SORCS2: variants seen among roughly 807,000 people sequenced by gnomAD.
SORCS2 encodes the protein sortilin related VPS10 domain containing receptor 2, also known as VPS10 domain-containing receptor SorCS2.
Under a neutral mutation model 141.6 loss-of-function variants are expected in SORCS2, and 100 were observed. That is an observed-to-expected ratio of 0.71 (90% CI 0.60 to 0.83). The LOEUF is 0.83. Among genes scored for constraint, SORCS2 ranks in the 40% least tolerant of loss-of-function variants. SORCS2 has a pLI of 0.00. For missense variants in SORCS2, 1,646 were observed against 1,560.2 expected, an observed-to-expected ratio of 1.05 and a Z score of -0.93; for synonymous variants, 789 against 676.9, an observed-to-expected ratio of 1.17 and a Z score of -2.57.
At chr4:7,355,169 A>G (rs1305369463) in intron 1 of SORCS2, among the ~76,000 whole-genome samples, 1 of 151,816 alleles carries the variant, frequency 6.6e-6, no homozygotes, top group Non-Finnish European at 1.5e-5. Flanking sequence ...CTGAATCACC[A>G]CTCTGTCCTC....
rs192215156 is a variant in SORCS2, at chr4:7,417,161, A to G, written c.548+20806A>G. On this transcript the variant is annotated intron_variant, in intron 2 of 26. Coordinates refer to ENST00000507866, the MANE Select transcript of SORCS2 (RefSeq NM_020777.3). ...TGAGTGTGCACTGAAGGATGGAGCC[A>G]TAAACCTGTTTACAGGGCAAGCAGC... is the stretch of plus-strand genomic sequence containing the variant. 2.0e-5 allele frequency among the ~76,000 whole-genome samples: 3 copies of G among 152,314 alleles called. No individual in the cohort carries two copies. In the East Asian group the frequency reaches 5.8e-4, roughly 29 times the overall value.
chr4:7,463,926 CCT>C lies in SORCS2; in HGVS notation c.548+67572_548+67573del, dbSNP rs1400301252. The stretch of plus-strand genomic sequence containing the variant: ...AGGCTGGTGATTTCAAACAGGCACC[CCT>C]GAGTCCCCACACTGATGAGTCTGGG... On this transcript the variant is annotated intron_variant, in intron 2 of 26. Coordinates refer to ENST00000507866, the MANE Select transcript of SORCS2 (RefSeq NM_020777.3). Among the ~76,000 whole-genome samples the C allele has an allele frequency of 2.6e-5, 4 of 152,268 alleles. No individual in the cohort carries two copies. The South Asian group carries it at 6.2e-4, about 24-fold the overall frequency.
At chr4:7,273,666 G>A (rs1715285773) in intron 1 of SORCS2, among the ~76,000 whole-genome samples, 1 of 152,232 alleles carries the variant, frequency 6.6e-6, no homozygotes, top group Non-Finnish European at 1.5e-5. Context: ...TTTCTGGGAG[G>A]CATGCAGCTT....
intron 1 of SORCS2, among the ~76,000 whole-genome samples, chr4:7,370,820 C>G (rs187870406): frequency 6.6e-6 from 1 of 152,324 alleles, no homozygotes; most frequent in African/African-American, 2.4e-5. Flanking sequence ...ACACAGGGGC[C>G]TGTGGCTTCC....
chr4:7,543,794 A>G (rs1437567741), intron 3 of SORCS2, among the ~76,000 whole-genome samples: 2 of 48,572 alleles, frequency 4.1e-5, no homozygotes, highest in Non-Finnish European at 5.5e-5. Flanking sequence ...TCATCCATCC[A>G]TCCATCCATC....
intron 1 of SORCS2, among the ~76,000 whole-genome samples, chr4:7,274,372 T>C (rs1715349320): frequency 6.6e-6 from 1 of 152,124 alleles, no homozygotes; most frequent in Non-Finnish European, 1.5e-5. Flanking sequence ...GCTGGGTAAT[T>C]TGTAAAGAAA....
At chr4:7,430,646 C>G (rs987439800) in intron 2 of SORCS2, 1 of 152,250 alleles carries the variant, frequency 6.6e-6, no homozygotes, top group South Asian at 2.1e-4. Flanking sequence ...CTCCTCTGTG[C>G]GGCGCAGTCA....
chr4:7,304,924 C>T (rs1195865703), intron 1 of SORCS2, among the ~76,000 whole-genome samples: 1 of 152,228 alleles, frequency 6.6e-6, no homozygotes, highest in Non-Finnish European at 1.5e-5. Flanking sequence ...ACTGAGGCTT[C>T]ATGCTGGAGG....
rs572293051 is a variant in SORCS2 at position 7,270,469 on chromosome 4, G to T, written c.480+77343G>T. On this transcript the variant is annotated intron_variant, in intron 1 of 26. Transcript: ENST00000507866. ...ATGATTTGGATCTGGCCTGGGGTCTGGTTCCCTCCAGCGCTTCCTCTGAGG... is the reference window on the plus strand; with the variant it reads ...ATGATTTGGATCTGGCCTGGGGTCTTGTTCCCTCCAGCGCTTCCTCTGAGG... 1.0e-3 allele frequency among the ~76,000 whole-genome samples: 156 copies of T among 152,362 alleles called. 7 individuals carry two copies. The highest frequency in any genetic ancestry group is 4.6e-4 in the Admixed American group (7 of 15,312).
intron 3 of SORCS2, among the ~76,000 whole-genome samples, chr4:7,633,567 C>G (rs1720035202): frequency 7.3e-6 from 1 of 137,930 alleles, no homozygotes; most frequent in Non-Finnish European, 1.5e-5. Flanking sequence ...TGTGGTTTTG[C>G]AATGTGAAAG....
chr4:7,652,794 CT>C (rs1721525203), intron 4 of SORCS2, among the ~76,000 whole-genome samples: 1 of 152,136 alleles, frequency 6.6e-6, no homozygotes, highest in Non-Finnish European at 1.5e-5. Context: ...CACGGACCCC[CT>C]GAGCGCCTCA....
At chr4:7,439,184 G>GTATA (rs61638263) in intron 2 of SORCS2, among the ~76,000 whole-genome samples, 53 of 150,852 alleles carry the variant, frequency 3.5e-4, no homozygotes, top group Admixed American at 7.2e-4. Context: ...GAAGGAGTTT[G>GTATA]TATATATATA....
intron 3 of SORCS2, among the ~76,000 whole-genome samples, chr4:7,542,120 G>A (rs1712722792): frequency 6.6e-6 from 1 of 152,204 alleles, no homozygotes; most frequent in African/African-American, 2.4e-5. Flanking sequence ...AACCAAAGGG[G>A]CCCATTGGCA....
chr4:7,427,232 G>A (rs926846054), intron 2 of SORCS2, among the ~76,000 whole-genome samples: 1 of 152,164 alleles, frequency 6.6e-6, no homozygotes, highest in Non-Finnish European at 1.5e-5. Flanking sequence ...GCAAAGTCTT[G>A]TGTGGCTGGA....
At chr4:7,643,980 T>C (rs1193851670) in intron 4 of SORCS2, among the ~76,000 whole-genome samples, 1 of 152,170 alleles carries the variant, frequency 6.6e-6, no homozygotes, top group Non-Finnish European at 1.5e-5. Flanking sequence ...ACTCAGCATG[T>C]GTTCATTTTG....
intron 1 of SORCS2, among the ~76,000 whole-genome samples, chr4:7,261,452 G>C (rs193005952): frequency 6.6e-6 from 1 of 152,306 alleles, no homozygotes; most frequent in Admixed American, 6.5e-5. Flanking sequence ...TATATTTACT[G>C]AATGCAAATC....
intron 14 of SORCS2, 50 bp downstream of exon 14, chr4:7,704,334 C>T: frequency 6.9e-7 from 1 of 1,446,234 alleles, no homozygotes; most frequent in Non-Finnish European, 9.4e-7. Context: ...CAGAGCCATG[C>T]TGGGCCTCCC....
At chr4:7,695,925 T>TGGG (rs1724672289) in intron 11 of SORCS2, among the ~76,000 whole-genome samples, 1 of 70,222 alleles carries the variant, frequency 1.4e-5, no homozygotes, top group African/African-American at 5.5e-5. Flanking sequence ...GATGGATGGA[T>TGGG]TGGTGGGTGG....
At chr4:7,220,129 T>C (rs767144825) in intron 1 of SORCS2, among the ~76,000 whole-genome samples, 21 of 152,190 alleles carry the variant, frequency 1.4e-4, no homozygotes, top group Admixed American at 3.9e-4. Context: ...TTCTGAGGCC[T>C]GAGCTGTCTG....
Sources: gnomAD v4.1 joint callset for allele counts (sites outside exome capture counted in the v4.1 genomes callset) on GRCh38, gnomAD v4.1.1 for gene constraint, MANE v1.5 for transcripts, NCBI Gene and HGNC (gene_info 2026-07-23, HGNC 2026-07-21) for gene names.